COL17A1: variants seen among roughly 807,000 people sequenced by gnomAD.
COL17A1 encodes the protein collagen alpha-1(XVII) chain.
In COL17A1, 181 loss-of-function variants were observed where a neutral mutation model predicts 218.4. The observed-to-expected ratio is 0.83, with a 90% CI of 0.73 to 0.94. The LOEUF (loss-of-function observed/expected upper bound fraction) is 0.94. Ranked by LOEUF, COL17A1 falls within the 40% of genes least tolerant of loss-of-function variation. The probability of loss-of-function intolerance (pLI) is 0.00; values close to 1 mark genes in which losing one functional copy is unlikely to be tolerated. For synonymous variants in COL17A1, 721 were observed against 731.0 expected (o/e 0.99, Z 0.22); for missense variants, 1,924 against 1,945.9 (o/e 0.99, Z 0.21).
At chr10:104,066,106 A>G (rs2086624050) in intron 9 of COL17A1, among the ~76,000 whole-genome samples, 1 of 152,172 alleles carries the variant, frequency 6.6e-6, no homozygotes, top group Non-Finnish European at 1.5e-5. Flanking sequence ...AAAATAGCTC[A>G]TTTTTGTCTG....
chr10:104,035,541 A>C lies in COL17A1; in HGVS notation c.3441T>G (p.Leu1147=), dbSNP rs139504659. Residue 1147 remains leucine (L), a synonymous_variant, in exon 49 of 56, where the codon CTT becomes CTG. Transcript: ENST00000648076. ...YMSSSGISIG[L]PGPPGPPGLP... is the part of the protein sequence containing the mutation. ...AGCCAGGGGGCCCCGGGGGACCAGG[A>C]AGCCCAATGCTGATCCCAGAACCTA... 14 of 1,613,736 alleles carry C rather than the reference A, an allele frequency of 8.7e-6. No homozygotes were observed. Among genetic ancestry groups the C allele is most frequent in the African/African-American group, 2.7e-5 (2 of 74,948 alleles).
At chr10:104,052,967 G>T (rs982260786) in intron 23 of COL17A1, 64 bp downstream of exon 23, 31 of 1,554,488 alleles carry the variant, frequency 2.0e-5, no homozygotes, top group Non-Finnish European at 2.7e-5. Context: ...GGAGGGACGG[G>T]TGTTGACAGA....
chr10:104,055,463 C>CACACACACACAT, intron 18 of COL17A1, 62 bp from the exon 19 acceptor site: 1 of 1,489,670 alleles, frequency 6.7e-7, no homozygotes, highest in Non-Finnish European at 9.4e-7. Context: ...CACACACACA[C>CACACACACACAT]ACACACACAC....
intron 7 of COL17A1, 143 bp from the exon 8 acceptor site, chr10:104,072,222 A>C: frequency 3.1e-6 from 4 of 1,278,376 alleles, no homozygotes; most frequent in Non-Finnish European, 4.4e-6. Flanking sequence ...GGTGTGCCCA[A>C]GAAGAGTGCT....
In COL17A1 at chr10:104,051,509, G is replaced by T. The variant is rs770957571; in HGVS notation, c.2010C>A (p.Ser670Arg). Reference sequence around the variant, plus strand: ...GAGGGCCCTGTGGGCCAGGAGAGCCGCTGGAACCTGAGAAGGAGGACAAGA... The same window carrying T: ...GAGGGCCCTGTGGGCCAGGAGAGCCTCTGGAACCTGAGAAGGAGGACAAGA... ...VPGSVGPKGS[S>R]GSPGPQGPPG... Residue 670 changes from serine to arginine, a missense_variant, in exon 25 of 56, where the codon AGC becomes AGA. Physicochemically the swap from Ser to Arg is moderately radical, Grantham distance 110. Coordinates refer to ENST00000648076, the MANE Select transcript of COL17A1 (RefSeq NM_000494.4). 1.9e-6 allele frequency: 3 copies of T among 1,614,060 alleles called. No homozygotes were observed. The highest frequency in any genetic ancestry group is 2.5e-6 in the Non-Finnish European group (3 of 1,180,042).
intron 7 of COL17A1, 53 bp from the exon 8 acceptor site, chr10:104,072,132 A>G: frequency 6.2e-7 from 1 of 1,611,982 alleles, no homozygotes; most frequent in Non-Finnish European, 8.5e-7. Context: ...TTAGATCACA[A>G]TCCCTGACAC....
Position 104,056,093 on chromosome 10 carries a change from A to T in COL17A1, c.1466-90T>A, listed in dbSNP as rs1180190358. 6 of 1,483,592 alleles carry T rather than the reference A, an allele frequency of 4.0e-6. No individual in the cohort carries two copies. In the African/African-American group the frequency reaches 8.3e-5, roughly 20 times the overall value. 91.9% of individuals were successfully genotyped at this position (1,483,592 alleles called of 1,614,324 possible). ...CCTAGTGGAGAGCCTGACACAAGGG[A>T]TTGGGGCCTGTGGTGGCTTCTTCAT... On this transcript the variant is annotated intron_variant, in intron 17 of 55. Transcript: ENST00000648076.
chr10:104,034,404 G>A (rs1422721954), intron 51 of COL17A1, 70 bp from the exon 52 acceptor site: 1 of 1,506,932 alleles, frequency 6.6e-7, no homozygotes. Context: ...GAGTTAGGGA[G>A]TCTCTCCCAG....
Position 104,031,905 on chromosome 10 carries a change from A to ACTT in COL17A1, c.*327_*329dup. The ACTT allele has an allele frequency of 2.4e-6, 1 of 416,430 alleles. No homozygotes were observed. 25.8% of individuals were successfully genotyped at this position (416,430 alleles called of 1,614,324 possible). ...GTAAAGCTCTAAGACTCCTGAGCCA[A>ACTT]CTTTTATGTAACTGGCTTTCCTAGG... On this transcript the variant is annotated 3_prime_UTR_variant, in exon 56 of 56. Transcript: ENST00000648076.
chr10:104,032,004 C>T lies in COL17A1; in HGVS notation c.*231G>A. On this transcript the variant is annotated 3_prime_UTR_variant, in exon 56 of 56. Transcript: ENST00000648076. ...CAGAGAAGTAAGTCTCATTCTAAAA[C>T]ATTGCAACTACTGTTAGAGTCCACC... is the stretch of plus-strand genomic sequence containing the variant. The T allele has an allele frequency of 1.7e-6, 1 of 598,538 alleles. No individual in the cohort carries two copies. Among genetic ancestry groups the T allele is most frequent in the Middle Eastern group, 4.4e-4 (1 of 2,248 alleles). The allele number at this position is 598,538 out of a possible 1,614,324, so 37.1% of individuals were successfully genotyped here.
chr10:104,084,823 G>T (rs932756338), intron 1 of COL17A1, among the ~76,000 whole-genome samples: 1 of 152,184 alleles, frequency 6.6e-6, no homozygotes, highest in African/African-American at 2.4e-5. Context: ...GAGGTAAGAA[G>T]AAACTATTCT....
At chr10:104,049,345 C>T (rs185008031) in intron 29 of COL17A1, 64 bp downstream of exon 29, 6 of 1,488,032 alleles carry the variant, frequency 4.0e-6, no homozygotes, top group Non-Finnish European at 5.6e-6. Context: ...AGACGGATCT[C>T]TCCAGGGTCG....
chr10:104,039,766 CCACACACACA>C (rs60283710), intron 41 of COL17A1, 126 bp from the exon 42 acceptor site: 3 of 972,082 alleles, frequency 3.1e-6, no homozygotes, highest in East Asian at 2.6e-5. Context: ...CCTAGAGATG[CCACACACACA>C]CACACACACA....
chr10:104,045,694 C>T lies in COL17A1; in HGVS notation c.2398+64G>A, dbSNP rs1432733882. The T allele has an allele frequency of 1.6e-5, 22 of 1,347,872 alleles. No homozygotes were observed. In the East Asian group the frequency reaches 4.4e-4, roughly 27 times the overall value. The allele number at this position is 1,347,872 out of a possible 1,614,324, so 83.5% of individuals were successfully genotyped here. A position where few individuals can be genotyped will look rare whatever the true frequency, so the allele number is the denominator to read the frequency against. ...GGCCAGAGAGAGGCCTCCTCCTGTC[C>T]ATCCCTTCCTTCCACAAAAATGGCC... On this transcript the variant is annotated intron_variant, in intron 33 of 55. Coordinates refer to ENST00000648076, the MANE Select transcript of COL17A1 (RefSeq NM_000494.4).
intron 13 of COL17A1, among the ~76,000 whole-genome samples, chr10:104,060,541 C>G (rs997768434): frequency 2.6e-5 from 4 of 152,084 alleles, no homozygotes; most frequent in African/African-American, 4.8e-5. Flanking sequence ...TTTATGGGGG[C>G]TGCCTCCCCT....
intron 39 of COL17A1, among the ~76,000 whole-genome samples, chr10:104,040,635 T>C (rs965201239): frequency 1.3e-5 from 2 of 152,008 alleles, no homozygotes; most frequent in African/African-American, 4.8e-5. Flanking sequence ...GGTGGATGGG[T>C]AGATGGATGG....
intron 9 of COL17A1, among the ~76,000 whole-genome samples, chr10:104,070,078 G>A (rs569058659): frequency 6.6e-6 from 1 of 152,236 alleles, no homozygotes; most frequent in East Asian, 1.9e-4. Context: ...GAAGACCTGA[G>A]TATTGGATAG....
chr10:104,063,384 A>C lies in COL17A1; in HGVS notation c.838+363T>G, dbSNP rs1193946145. ...AAGATCTGAAAGTAGTTACTCAATG[A>C]ATTCTATTTTTCTTTAAAAGATCTG... On this transcript the variant is annotated intron_variant, in intron 11 of 55. Transcript: ENST00000648076. Among the ~76,000 whole-genome samples the C allele has an allele frequency of 3.9e-5, 6 of 152,356 alleles. No homozygotes were observed. The East Asian group carries it at 1.2e-3, about 29-fold the overall frequency.
At position 104,063,834 on chromosome 10, in the gene COL17A1, G is replaced by A; in HGVS notation, c.767-16C>T. On this transcript the variant is annotated splice_polypyrimidine_tract_variant and intron_variant, in intron 10 of 55. Coordinates refer to ENST00000648076, the MANE Select transcript of COL17A1 (RefSeq NM_000494.4). ...ACTCCGAAGACTGCAGGGGCAAGGA[G>A]GAAGGCTGGTGAGAGGGACATCTGG... is the stretch of plus-strand genomic sequence containing the variant. 8 of 1,614,118 alleles carry A rather than the reference G, an allele frequency of 5.0e-6. No homozygotes were observed. The highest frequency in any genetic ancestry group is 6.8e-6 in the Non-Finnish European group (8 of 1,179,962).
Sources: gnomAD v4.1 joint callset for allele counts (sites outside exome capture counted in the v4.1 genomes callset) on GRCh38, gnomAD v4.1.1 for gene constraint, MANE v1.5 for transcripts, NCBI Gene and HGNC (gene_info 2026-07-23, HGNC 2026-07-21) for gene names.